The following CDK6 variants were observed in gnomAD, a reference collection of about 807,000 sequenced individuals.
CDK6 encodes the protein cyclin dependent kinase 6, also known as cyclin-dependent kinase 6.
A neutral mutation model predicts 37.1 loss-of-function variants in CDK6; 6 were observed. That is an observed-to-expected ratio of 0.16 (90% CI 0.09 to 0.32). CDK6 has a LOEUF of 0.32. Among genes scored for constraint, CDK6 ranks in the 10% least tolerant of loss-of-function variants. The pLI is 1.00. For missense variants in CDK6, 224 were observed against 418.9 expected (o/e 0.53, Z 4.06); for synonymous variants, 160 against 161.3 (o/e 0.99, Z 0.06).
In CDK6 at chr7:92,834,134, C is replaced by G. The variant is rs574268700; in HGVS notation, c.-367-444G>C. ...GCAGGGAGACGGGGTCCAGGGGTGC[C>G]GGAGGGCGTTCAGGGGTCGCGCACA... On this transcript the variant is annotated intron_variant, in intron 1 of 7. Coordinates refer to ENST00000424848, the MANE Select transcript of CDK6 (RefSeq NM_001145306.2). This position sits in a 1 kb window ranked among gnomAD's most constrained non-coding sequence, Gnocchi z 4.6. Among the ~76,000 whole-genome samples, 1 of 152,000 alleles carries G rather than the reference C, an allele frequency of 6.6e-6. No homozygotes were observed. Among genetic ancestry groups the G allele is most frequent in the Non-Finnish European group, 1.5e-5 (1 of 67,986 alleles).
chr7:92,748,262 G>A lies in CDK6; in HGVS notation c.370-22469C>T, dbSNP rs1799106639. ...AAGAAGGAGCAGGAAATGCAAAAAA[G>A]GCATTTTATAGTCAACAAACGCTCA... is the stretch of plus-strand genomic sequence containing the variant. On this transcript the variant is annotated intron_variant, in intron 3 of 7. Coordinates refer to ENST00000424848, the MANE Select transcript of CDK6 (RefSeq NM_001145306.2). Among the ~76,000 whole-genome samples the A allele has an allele frequency of 2.0e-5, 3 of 152,094 alleles. No individual in the cohort carries two copies. The South Asian group carries it at 6.2e-4, about 32-fold the overall frequency.
At chr7:92,667,192 T>C (rs1176596659) in intron 5 of CDK6, among the ~76,000 whole-genome samples, 1 of 152,224 alleles carries the variant, frequency 6.6e-6, no homozygotes, top group Non-Finnish European at 1.5e-5. Context: ...TATAGATGTA[T>C]AATGTTTTTG....
chr7:92,609,534 C>A lies in CDK6; in HGVS notation c.*5606G>T, dbSNP rs1277419379. Reference sequence around the variant, plus strand: ...ATTTTAGGGCTCTGTTTCAATACAGCAATTTTTCAGACAAAAGTTTTGTCT... The same window carrying A: ...ATTTTAGGGCTCTGTTTCAATACAGAAATTTTTCAGACAAAAGTTTTGTCT... On this transcript the variant is annotated 3_prime_UTR_variant, in exon 8 of 8. Coordinates refer to ENST00000424848, the MANE Select transcript of CDK6 (RefSeq NM_001145306.2). 8.8e-6 allele frequency: 2 copies of A among 228,394 alleles called. No individual in the cohort carries two copies. The highest frequency in any genetic ancestry group is 5.7e-5 in the Admixed American group (1 of 17,614). 14.1% of individuals were successfully genotyped at this position (228,394 alleles called of 1,614,324 possible).
At chr7:92,672,219 ACACACAC>A (rs1797102697) in intron 4 of CDK6, among the ~76,000 whole-genome samples, 1 of 141,380 alleles carries the variant, frequency 7.1e-6, no homozygotes, top group African/African-American at 2.8e-5. Context: ...ACACACACAC[ACACACAC>A]ACACACACAC....
chr7:92,747,570 C>T (rs80219867), intron 3 of CDK6, among the ~76,000 whole-genome samples: 2,686 of 152,312 alleles, frequency 0.018, 29 homozygotes, highest in Non-Finnish European at 0.027. Flanking sequence ...CTTCAAATCT[C>T]TGGCTTCTGC....
intron 3 of CDK6, among the ~76,000 whole-genome samples, chr7:92,757,435 A>G (rs958960118): frequency 2.0e-5 from 3 of 152,180 alleles, no homozygotes; most frequent in African/African-American, 7.2e-5. Flanking sequence ...TCAGTTTGCT[A>G]AGGATAATGG....
chr7:92,702,045 A>G (rs959984632), intron 4 of CDK6, among the ~76,000 whole-genome samples: 1 of 152,202 alleles, frequency 6.6e-6, no homozygotes, highest in Non-Finnish European at 1.5e-5. Context: ...TGCAGAAAAC[A>G]TGTCACTTCA....
chr7:92,745,470 G>A (rs1485527806), intron 3 of CDK6, among the ~76,000 whole-genome samples: 3 of 152,140 alleles, frequency 2.0e-5, no homozygotes, highest in African/African-American at 2.4e-5. Context: ...TTTCAGGCAC[G>A]TGGGCAGGCA....
At chr7:92,628,059 C>A (rs1288548480) in intron 5 of CDK6, among the ~76,000 whole-genome samples, 1 of 152,092 alleles carries the variant, frequency 6.6e-6, no homozygotes, top group Non-Finnish European at 1.5e-5. Context: ...GACATGTGCT[C>A]CGCAAGTTTT....
rs778849907 is a variant in CDK6, at chr7:92,680,435, GAAAAAAAA to G, written c.538-8908_538-8901del. 4.3e-4 allele frequency among the ~76,000 whole-genome samples: 12 copies of G among 27,920 alleles called. No homozygotes were observed. The South Asian group carries it at 4.7e-3, about 11-fold the overall frequency. 18.3% of individuals were successfully genotyped at this position (27,920 alleles called of 152,430 possible). Reference sequence around the variant, plus strand: ...CCAACAAGAGTGAAATTCCATCTCAGAAAAAAAAAAAAAAAAAAAAAAAAAAAGCATTA... The same window carrying G: ...CCAACAAGAGTGAAATTCCATCTCAGAAAAAAAAAAAAAAAAAAAGCATTA... On this transcript the variant is annotated intron_variant, in intron 4 of 7. Coordinates refer to ENST00000424848, the MANE Select transcript of CDK6 (RefSeq NM_001145306.2).
At chr7:92,822,828 A>C (rs969307086) in intron 2 of CDK6, among the ~76,000 whole-genome samples, 3 of 152,086 alleles carry the variant, frequency 2.0e-5, no homozygotes, top group African/African-American at 7.2e-5. Flanking sequence ...AGGGTTTTCT[A>C]AATATGGCAG....
rs1277340826 is a variant in CDK6, at chr7:92,610,804, GGT to G, written c.*4334_*4335del. 2 of 228,132 alleles carry G rather than the reference GGT, an allele frequency of 8.8e-6. No homozygotes were observed. Among genetic ancestry groups the G allele is most frequent in the Non-Finnish European group, 1.7e-5 (2 of 115,058 alleles). The allele number at this position is 228,132 out of a possible 1,614,324, so 14.1% of individuals were successfully genotyped here. On this transcript the variant is annotated 3_prime_UTR_variant, in exon 8 of 8. Coordinates refer to ENST00000424848, the MANE Select transcript of CDK6 (RefSeq NM_001145306.2). ...AATATACTTAATGGACATGATAAAT[GGT>G]TTTGGGTAAGGTTCACAATTTTTCA...
intron 4 of CDK6, among the ~76,000 whole-genome samples, chr7:92,693,863 A>G (rs1264704542): frequency 6.6e-6 from 1 of 152,226 alleles, no homozygotes; most frequent in East Asian, 1.9e-4. Flanking sequence ...GTGAAATTGG[A>G]GTATGGCAAG....
At chr7:92,745,131 A>C (rs1352065119) in intron 3 of CDK6, among the ~76,000 whole-genome samples, 1 of 152,250 alleles carries the variant, frequency 6.6e-6, no homozygotes, top group Non-Finnish European at 1.5e-5. Flanking sequence ...TGTCAAACTG[A>C]CATGACACAA....
Position 92,610,392 on chromosome 7 carries a change from T to G in CDK6, c.*4748A>C. On this transcript the variant is annotated 3_prime_UTR_variant, in exon 8 of 8. Transcript: ENST00000424848. ...ATAGAAAACATTTTGAAAAGCTGAT[T>G]GGCACTTCATTAAGAAAATAAAAAT... 1 of 231,840 alleles carries G rather than the reference T, an allele frequency of 4.3e-6. No individual in the cohort carries two copies. Among genetic ancestry groups the G allele is most frequent in the Non-Finnish European group, 8.5e-6 (1 of 117,180 alleles). 14.4% of individuals were successfully genotyped at this position (231,840 alleles called of 1,614,324 possible).
chr7:92,654,063 A>C (rs538062592), intron 5 of CDK6, among the ~76,000 whole-genome samples: 2 of 152,290 alleles, frequency 1.3e-5, no homozygotes, highest in Admixed American at 1.3e-4. Flanking sequence ...CTACAGTATT[A>C]ATTCTATGTT....
intron 5 of CDK6, among the ~76,000 whole-genome samples, chr7:92,665,382 A>G (rs1230134699): frequency 6.6e-6 from 1 of 152,190 alleles, no homozygotes; most frequent in East Asian, 1.9e-4. Flanking sequence ...TTAAAATACA[A>G]TTCAATGTGG....
At chr7:92,743,640 A>G (rs1228184409) in intron 3 of CDK6, among the ~76,000 whole-genome samples, 5 of 152,192 alleles carry the variant, frequency 3.3e-5, no homozygotes, top group Non-Finnish European at 7.3e-5. Context: ...TGAATTGAAA[A>G]TTAAAAGCAC....
chr7:92,830,377 G>A (rs1436347210), intron 2 of CDK6, among the ~76,000 whole-genome samples: 1 of 152,162 alleles, frequency 6.6e-6, no homozygotes, highest in Non-Finnish European at 1.5e-5. Context: ...TGTTAGCTTA[G>A]AGGCTTAACT....
Sources: allele counts gnomAD v4.1 joint callset (sites outside exome capture counted in the v4.1 genomes callset), GRCh38; gene constraint gnomAD v4.1.1; non-coding constraint Gnocchi (gnomAD v3.1); transcripts MANE v1.5; gene names NCBI Gene and HGNC (gene_info 2026-07-23, HGNC 2026-07-21).